Variants in CRPPA observed in about 807,000 individuals in gnomAD.
The protein encoded by CRPPA is D-ribitol-5-phosphate cytidylyltransferase.
Under a neutral mutation model 52.0 loss-of-function variants are expected in CRPPA, and 43 were observed. That is an observed-to-expected ratio of 0.83 (90% confidence interval 0.65 to 1.07). CRPPA has a LOEUF of 1.07. Ranked by LOEUF, CRPPA falls within the 50% of genes least tolerant of loss-of-function variation. The pLI is 0.00. For synonymous variants in CRPPA, 250 were observed against 203.5 expected (o/e 1.23, Z -1.94); for missense variants, 629 against 551.7 (o/e 1.14, Z -1.40).
intron 6 of CRPPA, among the ~76,000 whole-genome samples, chr7:16,272,952 G>A (rs1583484258): frequency 6.8e-6 from 1 of 148,086 alleles, no homozygotes; most frequent in East Asian, 2.0e-4. Flanking sequence ...CATATCCTTT[G>A]TCGCTTTTTT....
intron 9 of CRPPA, among the ~76,000 whole-genome samples, chr7:16,185,984 T>C (rs114038621): frequency 0.012 from 1,846 of 152,278 alleles, 36 homozygotes; most frequent in African/African-American, 0.042. Flanking sequence ...GCAGTACCAA[T>C]AGACCATAAT....
chr7:16,307,655 A>T lies in CRPPA; in HGVS notation c.789+868T>A, dbSNP rs1784940444. Among the ~76,000 whole-genome samples, 3 of 140,838 alleles carry T rather than the reference A, an allele frequency of 2.1e-5. No homozygotes were observed. The Admixed American group carries it at 2.2e-4, about 10-fold the overall frequency. The allele number at this position is 140,838 out of a possible 152,430, so 92.4% of individuals were successfully genotyped here. ...GCACCATTGCCCTCCAGCCTGGGCC[A>T]GAAGAGTGAAACTCTGTCAAAAAAA... On this transcript the variant is annotated intron_variant, in intron 4 of 9. Coordinates refer to ENST00000407010, the MANE Select transcript of CRPPA (RefSeq NM_001101426.4).
intron 9 of CRPPA, among the ~76,000 whole-genome samples, chr7:16,117,304 G>A (rs1204296497): frequency 6.6e-6 from 1 of 152,200 alleles, no homozygotes; most frequent in African/African-American, 2.4e-5. Context: ...TGCAGCATCA[G>A]GGGTGAGTTC....
intron 9 of CRPPA, among the ~76,000 whole-genome samples, chr7:16,109,125 A>G (rs967470310): frequency 8.6e-5 from 13 of 151,912 alleles, no homozygotes; most frequent in African/African-American, 3.1e-4. Context: ...AACATAAAAC[A>G]TAAATAAAAC....
In CRPPA at chr7:16,258,484, T is replaced by C; in HGVS notation, c.1027-2A>G. On this transcript the variant is annotated splice_acceptor_variant, in intron 7 of 9. Coordinates refer to ENST00000407010, the MANE Select transcript of CRPPA (RefSeq NM_001101426.4). LOFTEE classifies it high-confidence loss of function. ...TTCTTGAAAATCAGAGGTTGTAACC[T>C]AAAAGACCAGAAAAATAAAAGGATA... The C allele has an allele frequency of 1.3e-6, 2 of 1,576,296 alleles. No individual in the cohort carries two copies. Among genetic ancestry groups the C allele is most frequent in the Non-Finnish European group, 1.7e-6 (2 of 1,156,832 alleles).
intron 3 of CRPPA, among the ~76,000 whole-genome samples, chr7:16,322,108 G>T (rs1785277912): frequency 6.6e-6 from 1 of 151,988 alleles, no homozygotes; most frequent in Admixed American, 6.6e-5. Context: ...ACTCAATTTT[G>T]AAATCTTTTT....
chr7:16,162,089 G>T lies in CRPPA; in HGVS notation c.1251+53977C>A, dbSNP rs533073741. Among the ~76,000 whole-genome samples the T allele has an allele frequency of 1.5e-4, 22 of 151,502 alleles. No homozygotes were observed. In the East Asian group the frequency reaches 3.9e-3, roughly 27 times the overall value. ...GATTCTTCTCTTTTCTTCTTTATTG[G>T]TATGGCTACTGGTCTATTTTCTTAA... is the stretch of plus-strand genomic sequence containing the variant. On this transcript the variant is annotated intron_variant, in intron 9 of 9. Coordinates refer to ENST00000407010, the MANE Select transcript of CRPPA (RefSeq NM_001101426.4).
rs531464213 is a variant in CRPPA, at chr7:16,146,207, C to CA, written c.1252-54409dup. Among the ~76,000 whole-genome samples, 397 of 137,478 alleles carry CA rather than the reference C, an allele frequency of 2.9e-3. 1 individual carries two copies. The highest frequency in any genetic ancestry group is 4.5e-3 in the Admixed American group (62 of 13,816). 90.2% of individuals were successfully genotyped at this position (137,478 alleles called of 152,430 possible). A position where few individuals can be genotyped will look rare whatever the true frequency, so the allele number is the denominator to read the frequency against. On this transcript the variant is annotated intron_variant, in intron 9 of 9. Transcript: ENST00000407010. ...ATAAATTTTTAAACCTCCAACAAACCAAAAAAAAAAAACCTACCAACCAAA... is the reference window on the plus strand; with the variant it reads ...ATAAATTTTTAAACCTCCAACAAACCAAAAAAAAAAAAACCTACCAACCAAA...
intron 3 of CRPPA, among the ~76,000 whole-genome samples, chr7:16,346,374 A>G (rs1286113888): frequency 6.6e-6 from 1 of 152,194 alleles, no homozygotes; most frequent in Non-Finnish European, 1.5e-5. Flanking sequence ...TGTGATCTAA[A>G]GGGTTGAAAT....
intron 3 of CRPPA, among the ~76,000 whole-genome samples, chr7:16,361,582 C>A (rs1239514777): frequency 6.6e-6 from 1 of 152,116 alleles, no homozygotes; most frequent in East Asian, 1.9e-4. Flanking sequence ...ACCTTAAAGA[C>A]ATGATGCTAA....
At chr7:16,153,592 A>G (rs1244157288) in intron 9 of CRPPA, among the ~76,000 whole-genome samples, 2 of 152,150 alleles carry the variant, frequency 1.3e-5, no homozygotes, top group African/African-American at 2.4e-5. Flanking sequence ...ATAAATATCT[A>G]CCAAGTCCTA....
At chr7:16,115,898 A>G (rs1782360901) in intron 9 of CRPPA, among the ~76,000 whole-genome samples, 1 of 152,206 alleles carries the variant, frequency 6.6e-6, no homozygotes, top group South Asian at 2.1e-4. Context: ...AAGAGCAGAA[A>G]GACATAGATG....
At chr7:16,108,434 A>G (rs1303222468) in intron 9 of CRPPA, among the ~76,000 whole-genome samples, 1 of 151,992 alleles carries the variant, frequency 6.6e-6, no homozygotes, top group South Asian at 2.1e-4. Flanking sequence ...TATGCACCCA[A>G]CAACAGAGCA....
chr7:16,110,009 ACT>A (rs767785154), intron 9 of CRPPA, among the ~76,000 whole-genome samples: 15 of 152,044 alleles, frequency 9.9e-5, no homozygotes, highest in Non-Finnish European at 1.8e-4. Flanking sequence ...TGAAATTCTC[ACT>A]GTTTGCGGAT....
intron 9 of CRPPA, among the ~76,000 whole-genome samples, chr7:16,149,407 A>G (rs920372986): frequency 2.0e-5 from 3 of 152,186 alleles, no homozygotes; most frequent in African/African-American, 7.2e-5. Flanking sequence ...CACTATCTAG[A>G]AAAGCGTTCT....
intron 8 of CRPPA, among the ~76,000 whole-genome samples, chr7:16,227,492 T>C (rs190426391): frequency 8.2e-4 from 125 of 152,018 alleles, no homozygotes; most frequent in African/African-American, 2.8e-3. Flanking sequence ...ATTAGTGATA[T>C]TATTTTTTCA....
At chr7:16,266,989 T>C (rs1783973864) in intron 6 of CRPPA, among the ~76,000 whole-genome samples, 1 of 152,194 alleles carries the variant, frequency 6.6e-6, no homozygotes, top group African/African-American at 2.4e-5. Flanking sequence ...ACTAATGATA[T>C]GTGAAAAAGA....
intron 5 of CRPPA, among the ~76,000 whole-genome samples, chr7:16,284,528 CTT>C (rs1429183677): frequency 6.6e-6 from 1 of 152,056 alleles, no homozygotes; most frequent in Non-Finnish European, 1.5e-5. Flanking sequence ...AAATTAATCT[CTT>C]TCTTATGGTC....
chr7:16,095,467 A>T (rs1781917846), intron 9 of CRPPA, among the ~76,000 whole-genome samples: 1 of 152,234 alleles, frequency 6.6e-6, no homozygotes, highest in Admixed American at 6.5e-5. Context: ...TAATAATAGC[A>T]GTTAGAATTA....
Sources: gnomAD v4.1 joint callset for allele counts (sites outside exome capture counted in the v4.1 genomes callset) on GRCh38, gnomAD v4.1.1 for gene constraint, MANE v1.5 for transcripts, NCBI Gene and HGNC (gene_info 2026-07-23, HGNC 2026-07-21) for gene names.